The following NDRG2 variants were observed in gnomAD, a reference collection of about 807,000 sequenced individuals.
NDRG2 encodes the protein protein NDRG2.
A neutral mutation model predicts 58.2 loss-of-function variants in NDRG2; 34 were observed. That is an observed-to-expected ratio of 0.58 (90% confidence interval 0.44 to 0.78). NDRG2 has a LOEUF of 0.78. Ranked by LOEUF, NDRG2 falls within the 30% of genes least tolerant of loss-of-function variation. The probability of loss-of-function intolerance (pLI) is 0.00; values close to 1 mark genes in which losing one functional copy is unlikely to be tolerated. For missense variants in NDRG2, 434 were observed against 471.2 expected (o/e 0.92, Z 0.73); for synonymous variants, 187 against 175.9 (o/e 1.06, Z -0.50).
At chr14:21,061,262 C>G (rs1594521117) in intron 1 of NDRG2, among the ~76,000 whole-genome samples, 1 of 152,302 alleles carries the variant, frequency 6.6e-6, no homozygotes, top group South Asian at 2.1e-4. Context: ...AGAAGTTCAA[C>G]CATTCAATAT....
At chr14:21,020,037 T>G in intron 8 of NDRG2, 61 bp from the exon 9 acceptor site, 1 of 1,512,200 alleles carries the variant, frequency 6.6e-7, no homozygotes, top group Admixed American at 1.7e-5. Context: ...GGCTCACGTC[T>G]GTAATCCCAG....
At chr14:21,040,773 A>T (rs1308932431) in intron 1 of NDRG2, among the ~76,000 whole-genome samples, 1 of 152,150 alleles carries the variant, frequency 6.6e-6, no homozygotes, top group African/African-American at 2.4e-5. Flanking sequence ...GATAATCACA[A>T]GTTCACTCTT....
At chr14:21,025,502 C>A (rs1430242473), upstream of NDRG2, 3 of 985,314 alleles carry the variant, frequency 3.0e-6, no homozygotes, top group Non-Finnish European at 3.6e-6. The surrounding 1 kb of genome is among the most constrained non-coding windows in gnomAD (Gnocchi z 5.1). Flanking sequence ...AGTTCGACTC[C>A]CCCCGCCCGA....
In NDRG2 at chr14:21,021,688, T is replaced by C. The variant is rs900665801; in HGVS notation, c.407+129A>G. On this transcript the variant is annotated intron_variant, in intron 6 of 15. Coordinates refer to ENST00000556147, the MANE Select transcript of NDRG2 (RefSeq NM_001320329.2). Reference sequence around the variant, plus strand: ...TTTCTCAATAATCAAGGCGGGAGCATGAAGGAAGAAGATATATTGAGTTCA... The same window carrying C: ...TTTCTCAATAATCAAGGCGGGAGCACGAAGGAAGAAGATATATTGAGTTCA... 1.4e-5 allele frequency: 14 copies of C among 1,011,132 alleles called. No individual in the cohort carries two copies. In the African/African-American group the frequency reaches 1.6e-4, roughly 12 times the overall value. 62.6% of individuals were successfully genotyped at this position (1,011,132 alleles called of 1,614,324 possible).
intron 11 of NDRG2, 37 bp downstream of exon 11, chr14:21,019,079 A>G: frequency 6.4e-7 from 1 of 1,570,954 alleles, no homozygotes; most frequent in Non-Finnish European, 8.6e-7. Flanking sequence ...GGGAAGATCC[A>G]GGGAGACAGG....
At chr14:21,031,996 G>A (rs149795106) in intron 1 of NDRG2, 78 of 1,614,148 alleles carry the variant, frequency 4.8e-5, no homozygotes, top group Non-Finnish European at 5.9e-5. Flanking sequence ...AGGGCATTGC[G>A]GGACGGGAAG....
intron 6 of NDRG2, chr14:21,021,096 A>C (rs1367807463): frequency 2.9e-5 from 18 of 625,912 alleles, no homozygotes; most frequent in East Asian, 2.0e-4. Context: ...ACAAACACCC[A>C]TCCACCAGCC....
chr14:21,061,965 T>C (rs1199099941), intron 1 of NDRG2, among the ~76,000 whole-genome samples: 2 of 152,238 alleles, frequency 1.3e-5, no homozygotes, highest in East Asian at 1.9e-4. Flanking sequence ...ATGGAATATA[T>C]ATTGAATTTA....
intron 1 of NDRG2, among the ~76,000 whole-genome samples, chr14:21,051,201 C>G (rs562705164): frequency 2.6e-5 from 4 of 152,250 alleles, no homozygotes; most frequent in South Asian, 2.1e-4. Context: ...CTGTCTCTGA[C>G]CAGTGTTTCT....
chr14:21,024,236 C>A lies in NDRG2; in HGVS notation c.-213G>T. 1 of 985,474 alleles carries A rather than the reference C, an allele frequency of 1.0e-6. No individual in the cohort carries two copies. The highest frequency in any genetic ancestry group is 1.2e-6 in the Non-Finnish European group (1 of 830,018). The allele number at this position is 985,474 out of a possible 1,614,324, so 61.0% of individuals were successfully genotyped here. A position where few individuals can be genotyped will look rare whatever the true frequency, so the allele number is the denominator to read the frequency against. On this transcript the variant is annotated 5_prime_UTR_variant, in exon 1 of 16. Coordinates refer to ENST00000556147, the MANE Select transcript of NDRG2 (RefSeq NM_001320329.2). ...CTAACCCTCCCCAGTGTCTGTCTAC[C>A]CCTAAGTCCAGAGAACACGTCCTCT... is the stretch of plus-strand genomic sequence containing the variant.
At chr14:21,037,688 C>T (rs887116390) in intron 1 of NDRG2, among the ~76,000 whole-genome samples, 9 of 152,158 alleles carry the variant, frequency 5.9e-5, no homozygotes, top group Non-Finnish European at 1.3e-4. Flanking sequence ...AGCAGACTTA[C>T]TTGTATCTTA....
upstream of NDRG2, among the ~76,000 whole-genome samples, chr14:21,027,522 C>A (rs190146268): frequency 5.9e-5 from 9 of 152,276 alleles, no homozygotes; most frequent in Non-Finnish European, 1.2e-4. Flanking sequence ...AGTTTCCCAC[C>A]CTTCTCAAGT....
At chr14:21,021,137 C>T (rs1197624665) in intron 6 of NDRG2, 1 of 564,422 alleles carries the variant, frequency 1.8e-6, no homozygotes. Context: ...ATATAGATAG[C>T]TCTTTGTCCA....
chr14:21,067,779 C>CAG (rs1397770336), intron 1 of NDRG2, among the ~76,000 whole-genome samples: 2 of 151,704 alleles, frequency 1.3e-5, no homozygotes, highest in Non-Finnish European at 2.9e-5. Context: ...CACACACACA[C>CAG]ACACACTTTT....
chr14:21,018,520 G>T lies in NDRG2; in HGVS notation c.814-16C>A, dbSNP rs927803291. Reference sequence around the variant, plus strand: ...TACATTCCACCTGGAGTAAGCAGGAGGCTGAATGAATGAGGTCACGCCCAC... The same window carrying T: ...TACATTCCACCTGGAGTAAGCAGGATGCTGAATGAATGAGGTCACGCCCAC... On this transcript the variant is annotated splice_polypyrimidine_tract_variant and intron_variant, in intron 12 of 15. Coordinates refer to ENST00000556147, the MANE Select transcript of NDRG2 (RefSeq NM_001320329.2). 1 of 1,613,694 alleles carries T rather than the reference G, an allele frequency of 6.2e-7. No homozygotes were observed. Among genetic ancestry groups the T allele is most frequent in the East Asian group, 2.2e-5 (1 of 44,868 alleles).
At position 21,017,234 on chromosome 14, in the gene NDRG2, A is replaced by C; in HGVS notation, c.*362T>G. On this transcript the variant is annotated 3_prime_UTR_variant, in exon 16 of 16. Coordinates refer to ENST00000556147, the MANE Select transcript of NDRG2 (RefSeq NM_001320329.2). ...AATCCCCTCCCCTTGCAAATATGGGACAAGTAGGGAGAGTCTGATGGAGGC... is the reference window on the plus strand; with the variant it reads ...AATCCCCTCCCCTTGCAAATATGGGCCAAGTAGGGAGAGTCTGATGGAGGC... 2.7e-6 allele frequency: 1 copy of C among 374,276 alleles called. No homozygotes were observed. The highest frequency in any genetic ancestry group is 5.2e-6 in the Non-Finnish European group (1 of 192,026). 23.2% of individuals were successfully genotyped at this position (374,276 alleles called of 1,614,324 possible). A position where few individuals can be genotyped will look rare whatever the true frequency, so the allele number is the denominator to read the frequency against.
rs1288093335 is a variant in NDRG2 at position 21,070,775 on chromosome 14, G to C, written c.24+53C>G. On this transcript the variant is annotated intron_variant, in intron 1 of 14. Coordinates refer to the NDRG2 transcript ENST00000403829. This position sits in a 1 kb window ranked among gnomAD's most constrained non-coding sequence, Gnocchi z 4.7. ...TACCCGCGGGAGACCCCTGCGGGTTGGTCCTGCAGCGACCCTGGAAGAGGC... is the reference window on the plus strand; with the variant it reads ...TACCCGCGGGAGACCCCTGCGGGTTCGTCCTGCAGCGACCCTGGAAGAGGC... 19 of 1,528,598 alleles carry C rather than the reference G, an allele frequency of 1.2e-5. No homozygotes were observed. In the Admixed American group the frequency reaches 1.6e-4, roughly 13 times the overall value. 94.7% of individuals were successfully genotyped at this position (1,528,598 alleles called of 1,614,324 possible). A position where few individuals can be genotyped will look rare whatever the true frequency, so the allele number is the denominator to read the frequency against.
chr14:21,026,389 G>A (rs1052253824), upstream of NDRG2, among the ~76,000 whole-genome samples: 17 of 148,280 alleles, frequency 1.1e-4, no homozygotes, highest in African/African-American at 3.6e-4. Context: ...GGGGCTGGGC[G>A]CCAGGCCAGT....
chr14:21,019,437 G>A (rs958926866), intron 10 of NDRG2, among the ~76,000 whole-genome samples: 1 of 152,192 alleles, frequency 6.6e-6, no homozygotes, highest in Non-Finnish European at 1.5e-5. Context: ...ATCCAAAGGA[G>A]GTAAACAAGA....
Sources: gnomAD v4.1 joint callset for allele counts (sites outside exome capture counted in the v4.1 genomes callset) on GRCh38, gnomAD v4.1.1 for gene constraint, Gnocchi (gnomAD v3.1) non-coding constraint, MANE v1.5 for transcripts, NCBI Gene and HGNC (gene_info 2026-07-23, HGNC 2026-07-21) for gene names.